The following CACNA2D2 variants were observed in gnomAD, a reference collection of about 807,000 sequenced individuals.
CACNA2D2 encodes the protein voltage-dependent calcium channel subunit alpha-2/delta-2.
Under a neutral mutation model 166.4 loss-of-function variants are expected in CACNA2D2, and 48 were observed. The ratio of observed to expected loss-of-function variants is 0.29; its 90% CI spans 0.23 to 0.37. The LOEUF (loss-of-function observed/expected upper bound fraction) is 0.37, where lower values mean the gene tolerates loss of function less well. CACNA2D2 is among the 10% of genes least tolerant of loss of function. The pLI, the probability that CACNA2D2 is intolerant of heterozygous loss-of-function variation, is 1.00. For synonymous variants in CACNA2D2, 561 were observed against 573.7 expected (o/e 0.98, Z 0.32); for missense variants, 1,122 against 1,433.0 (o/e 0.78, Z 3.50).
intron 2 of CACNA2D2, among the ~76,000 whole-genome samples, chr3:50,435,777 G>A (rs909720718): frequency 9.2e-5 from 14 of 152,086 alleles, no homozygotes; most frequent in Admixed American, 3.3e-4. Context: ...CATCCCTCCC[G>A]GCTTCTCTTT....
At position 50,464,628 on chromosome 3, in the gene CACNA2D2, C is replaced by T. The variant is rs1004542206; in HGVS notation, c.288+11490G>A. On this transcript the variant is annotated intron_variant, in intron 2 of 37. Coordinates refer to ENST00000424201, the MANE Select transcript of CACNA2D2 (RefSeq NM_006030.4). ...AGGGGTCCTAGTCTAAGAGGAGAAGCGGCCAGACCCTTCTTGATGCAGAGG... is the reference window on the plus strand; with the variant it reads ...AGGGGTCCTAGTCTAAGAGGAGAAGTGGCCAGACCCTTCTTGATGCAGAGG... 9.2e-5 allele frequency among the ~76,000 whole-genome samples: 14 copies of T among 152,304 alleles called. No individual in the cohort carries two copies. The South Asian group carries it at 1.0e-3, about 11-fold the overall frequency.
chr3:50,371,746 G>T (rs1340495801), intron 22 of CACNA2D2, among the ~76,000 whole-genome samples: 1 of 152,158 alleles, frequency 6.6e-6, no homozygotes, highest in Non-Finnish European at 1.5e-5. Context: ...ACAAGCCGAT[G>T]GGGAAGGGGT....
At chr3:50,385,148 G>A (rs1348087071) in intron 5 of CACNA2D2, among the ~76,000 whole-genome samples, 4 of 152,212 alleles carry the variant, frequency 2.6e-5, no homozygotes, top group Non-Finnish European at 2.9e-5. Context: ...TGCTGCAGCC[G>A]ATGGGAGGGG....
At position 50,395,723 on chromosome 3, in the gene CACNA2D2, G is replaced by A. The variant is rs566223131; in HGVS notation, c.406-1555C>T. Reference sequence around the variant, plus strand: ...ACTAGCAGGGCAGGGAGGAAGGTGGGGCCTCCTATGGAGCTGTGGCCTCTG... The same window carrying A: ...ACTAGCAGGGCAGGGAGGAAGGTGGAGCCTCCTATGGAGCTGTGGCCTCTG... On this transcript the variant is annotated intron_variant, in intron 3 of 37. Transcript: ENST00000424201. Among the ~76,000 whole-genome samples the A allele has an allele frequency of 4.6e-5, 7 of 152,306 alleles. No individual in the cohort carries two copies. In the South Asian group the frequency reaches 1.5e-3, roughly 32 times the overall value.
At chr3:50,385,570 G>A (rs587602961) in intron 5 of CACNA2D2, among the ~76,000 whole-genome samples, 12 of 151,382 alleles carry the variant, frequency 7.9e-5, no homozygotes, top group African/African-American at 2.2e-4. Context: ...ACAGGGGTAC[G>A]GCTCTGAAGG....
At chr3:50,440,307 A>G (rs952847109) in intron 2 of CACNA2D2, among the ~76,000 whole-genome samples, 5 of 152,222 alleles carry the variant, frequency 3.3e-5, no homozygotes, top group Admixed American at 1.3e-4. Context: ...AGGGCACACT[A>G]TCGGTGCCCA....
rs968261815 is a variant in CACNA2D2 at position 50,375,920 on chromosome 3, T to G, written c.1774-40A>C. On this transcript the variant is annotated intron_variant, in intron 19 of 37. Coordinates refer to ENST00000424201, the MANE Select transcript of CACNA2D2 (RefSeq NM_006030.4). The surrounding 1 kb of genome is among the most constrained non-coding windows in gnomAD (Gnocchi z 4.0). ...GATGTGAGGGGCAGGGCCCCTACAC[T>G]CCTCTGCTCTGTCCCCCACCCCTGT... 2 of 1,612,524 alleles carry G rather than the reference T, an allele frequency of 1.2e-6. No homozygotes were observed. The highest frequency in any genetic ancestry group is 1.3e-5 in the African/African-American group (1 of 74,896).
intron 2 of CACNA2D2, among the ~76,000 whole-genome samples, chr3:50,450,964 G>A (rs934495444): frequency 2.6e-5 from 4 of 152,154 alleles, no homozygotes. Flanking sequence ...TGGAAATGAG[G>A]ACTCATTTGT....
intron 1 of CACNA2D2, among the ~76,000 whole-genome samples, chr3:50,476,608 T>C (rs1052391436): frequency 1.2e-4 from 18 of 152,280 alleles, no homozygotes; most frequent in Admixed American, 1.0e-3. Context: ...TCTTGGAGCC[T>C]CCTGTTCCCA....
At chr3:50,475,422 C>T (rs902391738) in intron 2 of CACNA2D2, among the ~76,000 whole-genome samples, 3 of 152,158 alleles carry the variant, frequency 2.0e-5, no homozygotes, top group Non-Finnish European at 2.9e-5. Flanking sequence ...AAAGACTGCA[C>T]GTACCCCGAG....
chr3:50,481,338 G>A (rs1027807774), intron 1 of CACNA2D2, among the ~76,000 whole-genome samples: 13 of 152,156 alleles, frequency 8.5e-5, no homozygotes, highest in African/African-American at 3.1e-4. Flanking sequence ...CTCACACGGA[G>A]GCATTTTTTG....
At chr3:50,426,817 G>A (rs1328815345) in intron 3 of CACNA2D2, among the ~76,000 whole-genome samples, 2 of 152,108 alleles carry the variant, frequency 1.3e-5, no homozygotes, top group Non-Finnish European at 2.9e-5. Flanking sequence ...TGGCAGGCTG[G>A]GCCAGGCCCT....
intron 1 of CACNA2D2, among the ~76,000 whole-genome samples, chr3:50,487,519 TG>T (rs915165724): frequency 1.3e-5 from 2 of 152,162 alleles, no homozygotes; most frequent in Non-Finnish European, 2.9e-5. Context: ...TGTATGTAAA[TG>T]GAATGTGAGT....
chr3:50,384,263 T>A lies in CACNA2D2; in HGVS notation c.585A>T (p.Pro195=). 6.2e-7 allele frequency: 1 copy of A among 1,614,202 alleles called. No homozygotes were observed. The stretch of plus-strand genomic sequence containing the variant: ...AATAGTTGACCTTGTTCTTGAAGTT[T>A]GGGTCCTCGATGAAGTCCAGCCTTA... ...STLRLDFIED[P]NFKNKVNYSY... Residue 195 remains proline, a synonymous_variant, in exon 6 of 38, where the codon CCA becomes CCT. Transcript: ENST00000424201.
chr3:50,407,876 G>A (rs1033441560), intron 3 of CACNA2D2, among the ~76,000 whole-genome samples: 1 of 152,218 alleles, frequency 6.6e-6, no homozygotes, highest in African/African-American at 2.4e-5. Flanking sequence ...AATGCCCAGA[G>A]GGCAAAGATG....
At chr3:50,415,520 GT>G (rs1707229069) in intron 3 of CACNA2D2, among the ~76,000 whole-genome samples, 1 of 152,206 alleles carries the variant, frequency 6.6e-6, no homozygotes, top group Non-Finnish European at 1.5e-5. Context: ...TGAAAAAAAA[GT>G]TGCTGATAAG....
chr3:50,472,423 T>C (rs1710137276), intron 2 of CACNA2D2, among the ~76,000 whole-genome samples: 1 of 152,138 alleles, frequency 6.6e-6, no homozygotes, highest in Admixed American at 6.5e-5. Context: ...CCTCCAAACA[T>C]GGCTGTCTCG....
At chr3:50,495,432 C>T (rs892196875) in intron 1 of CACNA2D2, among the ~76,000 whole-genome samples, 1 of 152,214 alleles carries the variant, frequency 6.6e-6, no homozygotes, top group Non-Finnish European at 1.5e-5. Flanking sequence ...CAACAGAACC[C>T]ACGAGAACTG....
At chr3:50,415,310 G>T (rs1009490414) in intron 3 of CACNA2D2, among the ~76,000 whole-genome samples, 1 of 152,206 alleles carries the variant, frequency 6.6e-6, no homozygotes, top group Non-Finnish European at 1.5e-5. Flanking sequence ...GCTGAGCCCC[G>T]TGTGGGTCCA....
Sources: allele counts gnomAD v4.1 joint callset (sites outside exome capture counted in the v4.1 genomes callset), GRCh38; gene constraint gnomAD v4.1.1; non-coding constraint Gnocchi (gnomAD v3.1); transcripts MANE v1.5; gene names NCBI Gene and HGNC (gene_info 2026-07-23, HGNC 2026-07-21).